The following EPHA6 variants were observed in gnomAD, a reference collection of about 807,000 sequenced individuals.
EPHA6 encodes EPH receptor A6.
A neutral mutation model predicts 112.0 loss-of-function variants in EPHA6; 50 were observed. The ratio of observed to expected loss-of-function variants is 0.45; its 90% CI spans 0.36 to 0.56. The LOEUF (loss-of-function observed/expected upper bound fraction) is 0.56, where lower values mean the gene tolerates loss of function less well. Ranked by LOEUF, EPHA6 falls within the 20% of genes least tolerant of loss-of-function variation. The probability of loss-of-function intolerance (pLI) is 0.00; values close to 1 mark genes in which losing one functional copy is unlikely to be tolerated. For missense variants in EPHA6, 1,280 were observed against 1,417.4 expected (o/e 0.90, Z 1.56); for synonymous variants, 529 against 490.7 (o/e 1.08, Z -1.03).
chr3:97,170,753 AG>A (rs1348492143), intron 3 of EPHA6, among the ~76,000 whole-genome samples: 11 of 126,646 alleles, frequency 8.7e-5, no homozygotes, highest in Admixed American at 5.1e-4. Context: ...GAAAAAGAAA[AG>A]AAAAAAAAAG....
At chr3:96,936,202 G>A (rs894272448) in intron 2 of EPHA6, among the ~76,000 whole-genome samples, 2 of 151,996 alleles carry the variant, frequency 1.3e-5, no homozygotes, top group Non-Finnish European at 1.5e-5. Flanking sequence ...ATGGCAATAC[G>A]TCATTTTAGG....
intron 5 of EPHA6, among the ~76,000 whole-genome samples, chr3:97,281,982 G>A (rs1409100614): frequency 6.6e-6 from 1 of 152,168 alleles, no homozygotes; most frequent in Non-Finnish European, 1.5e-5. Context: ...TAAGTGTTCA[G>A]TATGTGGCTG....
chr3:97,383,019 C>A lies in EPHA6; in HGVS notation c.1607-22131C>A, dbSNP rs571519457. ...AGCAAATAAGGTATCATCTGGTCCC[C>A]AAAAAAGTGCCACATTAATTTTTGA... On this transcript the variant is annotated intron_variant, in intron 5 of 17. Transcript: ENST00000389672. Among the ~76,000 whole-genome samples the A allele has an allele frequency of 7.2e-5, 11 of 151,996 alleles. No individual in the cohort carries two copies. The East Asian group carries it at 1.2e-3, about 16-fold the overall frequency.
In EPHA6 at chr3:97,197,129, C is replaced by T. The variant is rs561298725; in HGVS notation, c.1115-29135C>T. Reference sequence around the variant, plus strand: ...CTGCCCAGGAGGCAACATTTGGAATCAGGAACCCCAGGAGGCCGCTTAGTG... The same window carrying T: ...CTGCCCAGGAGGCAACATTTGGAATTAGGAACCCCAGGAGGCCGCTTAGTG... On this transcript the variant is annotated intron_variant, in intron 3 of 17. Coordinates refer to ENST00000389672, the MANE Select transcript of EPHA6 (RefSeq NM_001080448.3). Among the ~76,000 whole-genome samples, 4 of 152,186 alleles carry T rather than the reference C, an allele frequency of 2.6e-5. No individual in the cohort carries two copies. In the South Asian group the frequency reaches 6.2e-4, roughly 24 times the overall value.
At chr3:97,088,306 T>C (rs2046964669) in intron 3 of EPHA6, among the ~76,000 whole-genome samples, 2 of 152,170 alleles carry the variant, frequency 1.3e-5, no homozygotes, top group African/African-American at 4.8e-5. Context: ...GACTGTAATG[T>C]CCATACTGGA....
At chr3:97,337,212 G>T (rs1458220100) in intron 5 of EPHA6, among the ~76,000 whole-genome samples, 1 of 152,064 alleles carries the variant, frequency 6.6e-6, no homozygotes, top group South Asian at 2.1e-4. Flanking sequence ...TTACCAGCAG[G>T]TGTTGTACCT....
intron 6 of EPHA6, among the ~76,000 whole-genome samples, chr3:97,415,906 AT>A (rs1228863691): frequency 6.6e-6 from 1 of 151,590 alleles, no homozygotes; most frequent in East Asian, 1.9e-4. Flanking sequence ...AAGCACTTGA[AT>A]TTTTTTTTAC....
intron 5 of EPHA6, among the ~76,000 whole-genome samples, chr3:97,380,183 C>T (rs1241134663): frequency 9.2e-5 from 14 of 152,122 alleles, no homozygotes; most frequent in Non-Finnish European, 1.2e-4. Context: ...TTTGCCTAGA[C>T]ATGATCTGAA....
intron 2 of EPHA6, among the ~76,000 whole-genome samples, chr3:96,935,781 C>T (rs2040551111): frequency 6.7e-6 from 1 of 148,556 alleles, no homozygotes; most frequent in South Asian, 2.1e-4. Context: ...GTGTGTAGTC[C>T]TAAGGATGTT....
chr3:97,421,274 A>C (rs1021438833), intron 6 of EPHA6, among the ~76,000 whole-genome samples: 9 of 152,134 alleles, frequency 5.9e-5, no homozygotes, highest in Non-Finnish European at 1.5e-5. Context: ...TTTACATAAA[A>C]ATTTTTCCCG....
intron 6 of EPHA6, among the ~76,000 whole-genome samples, chr3:97,420,312 A>G (rs958855339): frequency 1.3e-5 from 2 of 151,962 alleles, no homozygotes; most frequent in Non-Finnish European, 2.9e-5. Context: ...AAAGATAAAA[A>G]TTGACCAAAA....
intron 3 of EPHA6, among the ~76,000 whole-genome samples, chr3:97,036,199 C>A (rs2612278): frequency 6.6e-6 from 1 of 151,362 alleles, no homozygotes; most frequent in East Asian, 1.9e-4. Flanking sequence ...AACAGACTAC[C>A]ATAAAGGGTG....
chr3:97,727,300 T>C (rs2034816279), intron 15 of EPHA6, among the ~76,000 whole-genome samples: 1 of 152,120 alleles, frequency 6.6e-6, no homozygotes, highest in Non-Finnish European at 1.5e-5. Context: ...AGTTTATCAT[T>C]AGAATTTTAT....
Position 97,734,491 on chromosome 3 carries a change from C to T in EPHA6, c.2935-1434C>T, listed in dbSNP as rs1042247254. Reference sequence around the variant, plus strand: ...AAAATATAAAGTGAATAGAAAAATGCTAGCATCCTGACAGGCTAAAGTGGT... The same window carrying T: ...AAAATATAAAGTGAATAGAAAAATGTTAGCATCCTGACAGGCTAAAGTGGT... On this transcript the variant is annotated intron_variant, in intron 15 of 17. Coordinates refer to ENST00000389672, the MANE Select transcript of EPHA6 (RefSeq NM_001080448.3). Among the ~76,000 whole-genome samples the T allele has an allele frequency of 3.9e-4, 59 of 152,064 alleles. 1 individual carries two copies. Among genetic ancestry groups the T allele is most frequent in the Middle Eastern group, 3.4e-3 (1 of 294 alleles).
intron 11 of EPHA6, among the ~76,000 whole-genome samples, chr3:97,539,282 G>A (rs1467408316): frequency 6.6e-6 from 1 of 151,300 alleles, no homozygotes; most frequent in African/African-American, 2.4e-5. Flanking sequence ...TGAGTAGCTG[G>A]GACTACAGGC....
chr3:96,931,256 A>G (rs2040311869), intron 2 of EPHA6, among the ~76,000 whole-genome samples: 1 of 152,176 alleles, frequency 6.6e-6, no homozygotes, highest in Non-Finnish European at 1.5e-5. Context: ...GGTCCCACCC[A>G]GTGAGGAGGA....
chr3:97,574,867 T>C (rs2093367819), intron 11 of EPHA6, among the ~76,000 whole-genome samples: 1 of 151,980 alleles, frequency 6.6e-6, no homozygotes, highest in Non-Finnish European at 1.5e-5. Context: ...CTCCAAAAAC[T>C]GGAGGGTGGG....
chr3:97,178,081 T>C (rs2076887726), intron 3 of EPHA6, among the ~76,000 whole-genome samples: 1 of 152,068 alleles, frequency 6.6e-6, no homozygotes, highest in Admixed American at 6.6e-5. Context: ...TCTGGTGATA[T>C]GACTTAGTTT....
At chr3:97,571,120 T>C (rs1438016052) in intron 11 of EPHA6, among the ~76,000 whole-genome samples, 1 of 152,168 alleles carries the variant, frequency 6.6e-6, no homozygotes, top group Non-Finnish European at 1.5e-5. Context: ...GTGCTGTTAT[T>C]GCATATAAAC....
Sources: allele counts gnomAD v4.1 joint callset (sites outside exome capture counted in the v4.1 genomes callset), GRCh38; gene constraint gnomAD v4.1.1; transcripts MANE v1.5; gene names NCBI Gene and HGNC (gene_info 2026-07-23, HGNC 2026-07-21).